ELMO1: variants seen among roughly 807,000 people sequenced by gnomAD.
ELMO1 encodes engulfment and cell motility protein 1.
In ELMO1, 26 loss-of-function variants were observed where a neutral mutation model predicts 98.9. The ratio of observed to expected loss-of-function variants is 0.26; its 90% confidence interval spans 0.19 to 0.36. ELMO1 has a LOEUF of 0.36. Among genes scored for constraint, ELMO1 ranks in the 10% least tolerant of loss-of-function variants. The pLI, the probability that ELMO1 is intolerant of heterozygous loss-of-function variation, is 1.00. For synonymous variants in ELMO1, 346 were observed against 346.0 expected (o/e 1.00, Z 0.00); for missense variants, 627 against 935.2 (o/e 0.67, Z 4.30).
At chr7:37,285,647 T>C (rs536256336) in intron 4 of ELMO1, among the ~76,000 whole-genome samples, 140 of 152,258 alleles carry the variant, frequency 9.2e-4, no homozygotes, top group Middle Eastern at 3.4e-3. Context: ...GAGAATCCCA[T>C]GTACATTGCC....
rs764049487 is a variant in ELMO1 at position 37,296,555 on chromosome 7, T to C, written c.192+18295A>G. On this transcript the variant is annotated intron_variant, in intron 4 of 21. Coordinates refer to ENST00000310758, the MANE Select transcript of ELMO1 (RefSeq NM_014800.11). ...CGCTGTGACACAATCACAGAAGTGA[T>C]AGCCCCTCTTATTCACAGACCCAGA... Among the ~76,000 whole-genome samples the C allele has an allele frequency of 2.0e-5, 3 of 152,350 alleles. 1 individual carries two copies. The highest frequency in any genetic ancestry group is 4.4e-5 in the Non-Finnish European group (3 of 68,038).
chr7:37,369,930 C>G (rs944833790), intron 1 of ELMO1, among the ~76,000 whole-genome samples: 1 of 152,084 alleles, frequency 6.6e-6, no homozygotes, highest in Admixed American at 6.5e-5. Context: ...CCTTACTATT[C>G]GAAGCACCAG....
At chr7:37,254,261 C>T (rs1192231499) in intron 6 of ELMO1, among the ~76,000 whole-genome samples, 2 of 152,136 alleles carry the variant, frequency 1.3e-5, no homozygotes, top group Admixed American at 1.3e-4. Context: ...TTCCTTCCCA[C>T]GAACATAGTG....
chr7:36,985,039 C>T (rs956099058), intron 16 of ELMO1: 31 of 985,276 alleles, frequency 3.1e-5, no homozygotes, highest in African/African-American at 1.7e-4. Context: ...AAGAGTTTCT[C>T]GTTCCCCACG....
At chr7:37,360,579 G>C (rs1003007665) in intron 1 of ELMO1, among the ~76,000 whole-genome samples, 4 of 152,152 alleles carry the variant, frequency 2.6e-5, no homozygotes, top group African/African-American at 9.7e-5. Context: ...CTGCCTGTGG[G>C]TAGTCCTCGG....
rs1365227172 is a variant in ELMO1 at position 36,865,707 on chromosome 7, C to CA, written c.1906-3972dup. On this transcript the variant is annotated intron_variant, in intron 20 of 21. Coordinates refer to ENST00000310758, the MANE Select transcript of ELMO1 (RefSeq NM_014800.11). The stretch of plus-strand genomic sequence containing the variant: ...CCTGCATCACCTTTCTCAACTCTCC[C>CA]AGGCTCCATGTTTAATTTTTTTTGG... Among the ~76,000 whole-genome samples the CA allele has an allele frequency of 2.0e-5, 3 of 152,194 alleles. No individual in the cohort carries two copies. The East Asian group carries it at 5.8e-4, about 29-fold the overall frequency.
At chr7:37,183,794 G>A (rs575680253) in intron 13 of ELMO1, among the ~76,000 whole-genome samples, 2 of 151,996 alleles carry the variant, frequency 1.3e-5, no homozygotes, top group South Asian at 2.1e-4. Context: ...TATCTGCTTC[G>A]ATTTCACTGG....
At chr7:37,151,564 G>A (rs1005216422) in intron 13 of ELMO1, among the ~76,000 whole-genome samples, 6 of 152,042 alleles carry the variant, frequency 3.9e-5, no homozygotes, top group African/African-American at 1.2e-4. Context: ...CATTTTTGAC[G>A]TACAAAAATG....
chr7:37,254,493 A>G (rs1331321658), intron 6 of ELMO1, among the ~76,000 whole-genome samples: 1 of 152,242 alleles, frequency 6.6e-6, no homozygotes, highest in Non-Finnish European at 1.5e-5. Context: ...TTACACAAAC[A>G]TACATGGTAT....
In ELMO1 at chr7:37,251,636, C is replaced by A. The variant is rs1279059113; in HGVS notation, c.414-7245G>T. Among the ~76,000 whole-genome samples the A allele has an allele frequency of 1.3e-5, 2 of 152,156 alleles. 1 individual carries two copies. Among genetic ancestry groups the A allele is most frequent in the Middle Eastern group, 6.3e-3 (2 of 316 alleles). ...CACAGCCAATATCATACTGAATGAG[C>A]AAAAGCTGGAAGCATTCCCTTTGAA... On this transcript the variant is annotated intron_variant, in intron 6 of 21. Transcript: ENST00000310758.
At chr7:37,084,301 A>C (rs943253126) in intron 15 of ELMO1, among the ~76,000 whole-genome samples, 4 of 152,214 alleles carry the variant, frequency 2.6e-5, no homozygotes, top group Admixed American at 1.3e-4. Context: ...AAAATTTAGC[A>C]ATGTCTGAAG....
intron 4 of ELMO1, among the ~76,000 whole-genome samples, chr7:37,291,828 T>C (rs958528698): frequency 7.3e-5 from 11 of 151,444 alleles, no homozygotes; most frequent in Admixed American, 5.9e-4. Context: ...GGCAGAAGAA[T>C]AGCTTGAACC....
chr7:37,445,968 T>C (rs1416330997), intron 1 of ELMO1, among the ~76,000 whole-genome samples: 1 of 152,202 alleles, frequency 6.6e-6, no homozygotes, highest in African/African-American at 2.4e-5. Context: ...ACTGGTTATC[T>C]AATCTCCCAA....
At chr7:37,374,391 T>C (rs773944626) in intron 1 of ELMO1, among the ~76,000 whole-genome samples, 81 of 152,164 alleles carry the variant, frequency 5.3e-4, no homozygotes, top group Non-Finnish European at 9.6e-4. Context: ...CTAAAACCTA[T>C]ATATGCTATA....
chr7:37,107,737 T>C (rs542859055), intron 14 of ELMO1, among the ~76,000 whole-genome samples: 5 of 152,366 alleles, frequency 3.3e-5, no homozygotes, highest in Non-Finnish European at 5.9e-5. Context: ...TACTGCTGTC[T>C]TAAAGCAAAG....
chr7:37,084,435 A>G (rs1430938745), intron 15 of ELMO1, among the ~76,000 whole-genome samples: 9 of 152,248 alleles, frequency 5.9e-5, no homozygotes, highest in Admixed American at 5.9e-4. Context: ...TGAATTCACT[A>G]AGAGTCTAGT....
At chr7:37,015,564 G>T (rs192350232) in intron 15 of ELMO1, among the ~76,000 whole-genome samples, 108 of 152,064 alleles carry the variant, frequency 7.1e-4, no homozygotes, top group African/African-American at 2.5e-3. Flanking sequence ...TCACACCACC[G>T]CACTCCAGCC....
intron 14 of ELMO1, among the ~76,000 whole-genome samples, chr7:37,120,559 G>T (rs62445788): frequency 6.6e-6 from 1 of 152,168 alleles, no homozygotes; most frequent in African/African-American, 2.4e-5. Flanking sequence ...AAACTTCAAC[G>T]CGGCAGCGAG....
At chr7:37,355,492 A>G (rs1801461272) in intron 1 of ELMO1, among the ~76,000 whole-genome samples, 1 of 152,252 alleles carries the variant, frequency 6.6e-6, no homozygotes, top group African/African-American at 2.4e-5. Context: ...GGCACTAGAA[A>G]GGAAATAATA....
Sources: allele counts gnomAD v4.1 joint callset (sites outside exome capture counted in the v4.1 genomes callset), GRCh38; gene constraint gnomAD v4.1.1; transcripts MANE v1.5; gene names NCBI Gene and HGNC (gene_info 2026-07-23, HGNC 2026-07-21).